AGAP1: variants seen among roughly 807,000 people sequenced by gnomAD.
The protein encoded by AGAP1 is arf-GAP with GTPase, ANK repeat and PH domain-containing protein 1.
A neutral mutation model predicts 105.3 loss-of-function variants in AGAP1; 29 were observed. The ratio of observed to expected loss-of-function variants is 0.28; its 90% confidence interval spans 0.21 to 0.38. The LOEUF is 0.38. Ranked by LOEUF, AGAP1 falls within the 10% of genes least tolerant of loss-of-function variation. The pLI is 1.00. For missense variants in AGAP1, 998 were observed against 1,165.1 expected (o/e 0.86, Z 2.09); for synonymous variants, 509 against 485.9 (o/e 1.05, Z -0.63).
intron 1 of AGAP1, 84 bp downstream of exon 1, chr2:235,494,933 T>C (rs1415174948): frequency 3.0e-6 from 4 of 1,336,926 alleles, no homozygotes; most frequent in Non-Finnish European, 3.9e-6. Flanking sequence ...CGTGCGGGTG[T>C]CCACACACGC....
rs2058117673 is a variant in AGAP1 at position 236,058,994 on chromosome 2, C to T, written c.2114+9713C>T. On this transcript the variant is annotated intron_variant, in intron 16 of 17. Coordinates refer to ENST00000304032, the MANE Select transcript of AGAP1 (RefSeq NM_001037131.3). This position sits in a 1 kb window ranked among gnomAD's most constrained non-coding sequence, Gnocchi z 4.6. ...GCAGTGGGCCACAATCGCACCACCACTTTCCAGCCTGGGGAACAGAGCAAG... is the reference window on the plus strand; with the variant it reads ...GCAGTGGGCCACAATCGCACCACCATTTTCCAGCCTGGGGAACAGAGCAAG... 6.6e-6 allele frequency among the ~76,000 whole-genome samples: 1 copy of T among 152,098 alleles called. No homozygotes were observed. Among genetic ancestry groups the T allele is most frequent in the Non-Finnish European group, 1.5e-5 (1 of 68,016 alleles).
At chr2:235,658,837 G>A (rs1204014598) in intron 1 of AGAP1, among the ~76,000 whole-genome samples, 1 of 152,132 alleles carries the variant, frequency 6.6e-6, no homozygotes, top group Non-Finnish European at 1.5e-5. Context: ...TGAGTTTTCG[G>A]CACCCTCCCC....
chr2:235,613,860 GC>G (rs1946220716), intron 1 of AGAP1, among the ~76,000 whole-genome samples: 1 of 152,226 alleles, frequency 6.6e-6, no homozygotes, highest in South Asian at 2.1e-4. Context: ...CAGTGAATTA[GC>G]ATATAGTGGC....
rs1380487646 is a variant in AGAP1, at chr2:235,867,574, T to TGTGTGTGTGTGCGC, written c.1051-15770_1051-15769insTGTGTGTGTGCGCG. 2.7e-5 allele frequency among the ~76,000 whole-genome samples: 4 copies of TGTGTGTGTGTGCGC among 147,582 alleles called. No individual in the cohort carries two copies. The highest frequency in any genetic ancestry group is 9.9e-5 in the African/African-American group (4 of 40,310). ...GTGTGTGTGTGTGTGTGTGTGTGTGTGCAAGTGAGGGAGGGTGACCCCCAC... is the reference window on the plus strand; with the variant it reads ...GTGTGTGTGTGTGTGTGTGTGTGTGTGTGTGTGTGTGCGCGCAAGTGAGGGAGGGTGACCCCCAC... On this transcript the variant is annotated intron_variant, in intron 9 of 17. Transcript: ENST00000304032. This position sits in a 1 kb window ranked among gnomAD's most constrained non-coding sequence, Gnocchi z 5.4.
chr2:235,760,980 A>G (rs1954391903), intron 6 of AGAP1, among the ~76,000 whole-genome samples: 1 of 152,216 alleles, frequency 6.6e-6, no homozygotes, highest in Non-Finnish European at 1.5e-5. Context: ...GGGGGAGGGA[A>G]TATCTTAATT....
intron 9 of AGAP1, among the ~76,000 whole-genome samples, chr2:235,858,304 A>T (rs1379708335): frequency 6.6e-6 from 1 of 152,246 alleles, no homozygotes; most frequent in African/African-American, 2.4e-5. Context: ...AATGCTATAG[A>T]ACATGAACAT....
At position 235,882,908 on chromosome 2, in the gene AGAP1, GCT is replaced by G. The variant is rs1031582424; in HGVS notation, c.1051-435_1051-434del. ...GCTCACTGCCACCTCAACCTCCTGGGCTCAAGAGATCCTCCCACCTCAACCCC... is the reference window on the plus strand; with the variant it reads ...GCTCACTGCCACCTCAACCTCCTGGGCAAGAGATCCTCCCACCTCAACCCC... On this transcript the variant is annotated intron_variant, in intron 9 of 17. Coordinates refer to ENST00000304032, the MANE Select transcript of AGAP1 (RefSeq NM_001037131.3). This position sits in a 1 kb window ranked among gnomAD's most constrained non-coding sequence, Gnocchi z 4.6. Among the ~76,000 whole-genome samples, 15 of 151,876 alleles carry G rather than the reference GCT, an allele frequency of 9.9e-5. No homozygotes were observed. Among genetic ancestry groups the G allele is most frequent in the East Asian group, 1.9e-4 (1 of 5,178 alleles).
intron 9 of AGAP1, among the ~76,000 whole-genome samples, chr2:235,814,479 T>A (rs189773443): frequency 6.6e-6 from 1 of 152,338 alleles, no homozygotes; most frequent in Admixed American, 6.5e-5. Flanking sequence ...TTATTTCTTA[T>A]CAGATTTGAT....
rs528832995 is a variant in AGAP1 at position 235,709,424 on chromosome 2, C to G, written c.222+187C>G. On this transcript the variant is annotated intron_variant, in intron 2 of 17. Coordinates refer to ENST00000304032, the MANE Select transcript of AGAP1 (RefSeq NM_001037131.3). The stretch of plus-strand genomic sequence containing the variant: ...CTAGAGTCCAAGTTCCTGAGTGCCC[C>G]TGGGACAGCTATGACAGCCATGACT... Among the ~76,000 whole-genome samples, 3 of 152,276 alleles carry G rather than the reference C, an allele frequency of 2.0e-5. No individual in the cohort carries two copies. The South Asian group carries it at 6.2e-4, about 32-fold the overall frequency.
Position 235,635,361 on chromosome 2 carries a change from GTT to G in AGAP1, c.164-73816_164-73815del, listed in dbSNP as rs372753163. Among the ~76,000 whole-genome samples the G allele has an allele frequency of 1.4e-3, 218 of 152,236 alleles. 2 individuals carry two copies. Among genetic ancestry groups the G allele is most frequent in the African/African-American group, 4.4e-3 (183 of 41,534 alleles). ...CCTTGTACAAGCAGGACATTTCTCC[GTT>G]TCTCCTTTTCTCTGCCCGTAGGATT... On this transcript the variant is annotated intron_variant, in intron 1 of 17. Coordinates refer to ENST00000304032, the MANE Select transcript of AGAP1 (RefSeq NM_001037131.3). The surrounding 1 kb of genome is among the most constrained non-coding windows in gnomAD (Gnocchi z 5.3).
At chr2:236,079,547 TATATATAC>T (rs1387936967) in intron 16 of AGAP1, among the ~76,000 whole-genome samples, 3 of 121,268 alleles carry the variant, frequency 2.5e-5, no homozygotes, top group African/African-American at 9.1e-5. Context: ...AAAAATTATA[TATATATAC>T]ACACACACAC....
At position 235,719,482 on chromosome 2, in the gene AGAP1, A is replaced by G. The variant is rs1387150234; in HGVS notation, c.310+1838A>G. On this transcript the variant is annotated intron_variant, in intron 3 of 17. Transcript: ENST00000304032. This position sits in a 1 kb window ranked among gnomAD's most constrained non-coding sequence, Gnocchi z 4.9. ...GAACGTTTATACATCAAAAGGAAGG[A>G]TTGTGGGGTGACCTAAACTGATCAC... Among the ~76,000 whole-genome samples, 1 of 152,204 alleles carries G rather than the reference A, an allele frequency of 6.6e-6. No homozygotes were observed. Among genetic ancestry groups the G allele is most frequent in the Non-Finnish European group, 1.5e-5 (1 of 68,040 alleles).
chr2:235,855,448 G>A lies in AGAP1; in HGVS notation c.1051-27897G>A, dbSNP rs1025815389. 2.0e-5 allele frequency among the ~76,000 whole-genome samples: 3 copies of A among 152,122 alleles called. No individual in the cohort carries two copies. The highest frequency in any genetic ancestry group is 4.4e-5 in the Non-Finnish European group (3 of 68,024). ...TTCTTTAGATGTCCTTATTCATTCA[G>A]TTACAGATTTATCATTTTTCAAACC... On this transcript the variant is annotated intron_variant, in intron 9 of 17. Transcript: ENST00000304032. The surrounding 1 kb of genome is among the most constrained non-coding windows in gnomAD (Gnocchi z 5.0).
At chr2:235,647,894 C>T (rs1358736923) in intron 1 of AGAP1, among the ~76,000 whole-genome samples, 4 of 152,076 alleles carry the variant, frequency 2.6e-5, no homozygotes, top group Non-Finnish European at 5.9e-5. Context: ...CATCACACCG[C>T]CACTAATTTC....
In AGAP1 at chr2:235,737,305, G is replaced by A. The variant is rs543220024; in HGVS notation, c.311-3658G>A. On this transcript the variant is annotated intron_variant, in intron 3 of 17. Coordinates refer to ENST00000304032, the MANE Select transcript of AGAP1 (RefSeq NM_001037131.3). The surrounding 1 kb of genome is among the most constrained non-coding windows in gnomAD (Gnocchi z 4.5). ...AAAAAATCATGCAAATCAATTACCA[G>A]TATCTGGTGTTTGAAATTGTAAGAT... Among the ~76,000 whole-genome samples the A allele has an allele frequency of 6.6e-6, 1 of 152,344 alleles. No homozygotes were observed. Among genetic ancestry groups the A allele is most frequent in the African/African-American group, 2.4e-5 (1 of 41,574 alleles).
rs1381569733 is a variant in AGAP1, at chr2:235,612,468, T to C, written c.164-96711T>C. On this transcript the variant is annotated intron_variant, in intron 1 of 17. Coordinates refer to ENST00000304032, the MANE Select transcript of AGAP1 (RefSeq NM_001037131.3). This position sits in a 1 kb window ranked among gnomAD's most constrained non-coding sequence, Gnocchi z 4.3. ...GGCAGCGCCTAGAGTGCTGGGCCCT[T>C]CCAGATGATCTATGAATTGGTCTTT... Among the ~76,000 whole-genome samples the C allele has an allele frequency of 6.6e-6, 1 of 152,214 alleles. No individual in the cohort carries two copies. Among genetic ancestry groups the C allele is most frequent in the Non-Finnish European group, 1.5e-5 (1 of 68,042 alleles).
At position 235,905,788 on chromosome 2, in the gene AGAP1, C is replaced by T. The variant is rs776764468; in HGVS notation, c.1156-2950C>T. Among the ~76,000 whole-genome samples, 8 of 152,210 alleles carry T rather than the reference C, an allele frequency of 5.3e-5. No homozygotes were observed. Among genetic ancestry groups the T allele is most frequent in the Non-Finnish European group, 8.8e-5 (6 of 68,038 alleles). On this transcript the variant is annotated intron_variant, in intron 10 of 17. Transcript: ENST00000304032. The surrounding 1 kb of genome is among the most constrained non-coding windows in gnomAD (Gnocchi z 4.2). ...TGCTGGGATTACAGGCGTGAGCCAC[C>T]GCGCCCCGCCTGATGTGCTTTTCAT...
rs866667582 is a variant in AGAP1, at chr2:235,611,181, A to G, written c.164-97998A>G. 6.6e-5 allele frequency among the ~76,000 whole-genome samples: 10 copies of G among 151,964 alleles called. No homozygotes were observed. Among genetic ancestry groups the G allele is most frequent in the South Asian group, 2.1e-4 (1 of 4,804 alleles). ...TGCCAGTTGAAATGTTCCCCTGCCT[A>G]GTGTAGGGACTGCCACTTCATGCTG... is the stretch of plus-strand genomic sequence containing the variant. On this transcript the variant is annotated intron_variant, in intron 1 of 17. Coordinates refer to ENST00000304032, the MANE Select transcript of AGAP1 (RefSeq NM_001037131.3). The surrounding 1 kb of genome is among the most constrained non-coding windows in gnomAD (Gnocchi z 5.0).
intron 9 of AGAP1, among the ~76,000 whole-genome samples, chr2:235,859,328 GAAAT>G (rs942447370): frequency 1.7e-4 from 26 of 149,878 alleles, no homozygotes; most frequent in African/African-American, 6.1e-4. Flanking sequence ...TTGTTGTGGG[GAAAT>G]GGCCATTACT....
Sources: allele counts gnomAD v4.1 joint callset (sites outside exome capture counted in the v4.1 genomes callset), GRCh38; gene constraint gnomAD v4.1.1; non-coding constraint Gnocchi (gnomAD v3.1); transcripts MANE v1.5; gene names NCBI Gene and HGNC (gene_info 2026-07-23, HGNC 2026-07-21).